Variants in RFX6 observed in about 807,000 individuals in gnomAD.
RFX6 encodes regulatory factor X6.
Under a neutral mutation model 110.8 loss-of-function variants are expected in RFX6, and 50 were observed. The ratio of observed to expected loss-of-function variants is 0.45; its 90% CI spans 0.36 to 0.57. RFX6 has a LOEUF of 0.57. Ranked by LOEUF, RFX6 falls within the 20% of genes least tolerant of loss-of-function variation. The pLI, the probability that RFX6 is intolerant of heterozygous loss-of-function variation, is 0.00. For synonymous variants in RFX6, 383 were observed against 411.2 expected (o/e 0.93, Z 0.83); for missense variants, 990 against 1,127.0 (o/e 0.88, Z 1.74).
intron 6 of RFX6, among the ~76,000 whole-genome samples, chr6:116,904,893 G>A (rs1432987949): frequency 1.3e-5 from 2 of 152,180 alleles, no homozygotes; most frequent in Non-Finnish European, 1.5e-5. Flanking sequence ...TGTATATACA[G>A]TACCACATTT....
chr6:116,884,341 T>C (rs1251863580), intron 4 of RFX6, among the ~76,000 whole-genome samples: 1 of 152,182 alleles, frequency 6.6e-6, no homozygotes, highest in African/African-American at 2.4e-5. Flanking sequence ...CTTTGTCTCA[T>C]TCACTTTTAT....
chr6:116,880,946 G>A (rs545111200), intron 3 of RFX6, among the ~76,000 whole-genome samples: 19 of 152,060 alleles, frequency 1.2e-4, no homozygotes, highest in Non-Finnish European at 2.8e-4. Context: ...AAAGTGTATA[G>A]TATGGCCTGT....
intron 2 of RFX6, among the ~76,000 whole-genome samples, chr6:116,879,994 G>C (rs1193462930): frequency 6.6e-6 from 1 of 151,968 alleles, no homozygotes; most frequent in African/African-American, 2.4e-5. Context: ...GTAGTAAAAA[G>C]TATAGGAATA....
intron 6 of RFX6, among the ~76,000 whole-genome samples, chr6:116,902,276 T>C (rs1582521022): frequency 6.6e-6 from 1 of 152,060 alleles, no homozygotes; most frequent in South Asian, 2.1e-4. Flanking sequence ...AAATGTCTCA[T>C]GTCTTAATCA....
chr6:116,929,110 T>A (rs930951313), intron 18 of RFX6, 139 bp downstream of exon 18: 10 of 699,308 alleles, frequency 1.4e-5, no homozygotes, highest in Non-Finnish European at 2.6e-5. Context: ...GATCTAAAGT[T>A]ATATTTTTTG....
Position 116,877,347 on chromosome 6 carries a change from C to T in RFX6, c.72C>T (p.Ile24=). The change falls in exon 1 of 19, where the codon ATC becomes ATT. Residue 24 remains isoleucine, a synonymous_variant. Coordinates refer to ENST00000332958, the MANE Select transcript of RFX6 (RefSeq NM_173560.4). ...AQPAPQLSPG[I]QEDCCVQLLG... is the part of the protein sequence containing the mutation. ...CTGCGCCCCAACTGTCCCCGGGGATCCAGGAAGACTGCTGTGTGCAGCTCC... is the reference window on the plus strand; with the variant it reads ...CTGCGCCCCAACTGTCCCCGGGGATTCAGGAAGACTGCTGTGTGCAGCTCC... 6.2e-7 allele frequency: 1 copy of T among 1,612,838 alleles called. No homozygotes were observed. The highest frequency in any genetic ancestry group is 1.3e-5 in the African/African-American group (1 of 75,022).
chr6:116,903,699 G>C lies in RFX6; in HGVS notation c.673-7236G>C, dbSNP rs144893637. ...CCCAGTTGTATCCTACATAAAAATA[G>C]GCTCCTTGTTTTCCCTGTGACTTTC... On this transcript the variant is annotated intron_variant, in intron 6 of 18. Transcript: ENST00000332958. 5.5e-3 allele frequency among the ~76,000 whole-genome samples: 832 copies of C among 152,058 alleles called. 15 individuals carry two copies. The highest frequency in any genetic ancestry group is 0.022 in the East Asian group (112 of 5,184).
intron 2 of RFX6, among the ~76,000 whole-genome samples, chr6:116,879,864 T>C (rs1319121270): frequency 6.6e-6 from 1 of 152,022 alleles, no homozygotes; most frequent in Admixed American, 6.6e-5. Flanking sequence ...TCAAAGGTTA[T>C]ATAGTTATTT....
intron 9 of RFX6, among the ~76,000 whole-genome samples, chr6:116,917,075 C>T (rs1775483704): frequency 6.6e-6 from 1 of 152,082 alleles, no homozygotes; most frequent in Admixed American, 6.6e-5. Flanking sequence ...AAATAAAATC[C>T]TTCTAAGTTA....
chr6:116,879,160 A>G (rs1181730975), intron 2 of RFX6, among the ~76,000 whole-genome samples: 4 of 151,998 alleles, frequency 2.6e-5, no homozygotes, highest in East Asian at 1.9e-4. Flanking sequence ...TGTTTCTTTT[A>G]TGAATAAATG....
At position 116,922,062 on chromosome 6, in the gene RFX6, C is replaced by A; in HGVS notation, c.1348C>A (p.Gln450Lys). The change falls in exon 13 of 19, where the codon CAA (glutamine) becomes AAA (lysine). Residue 450 changes from glutamine (Q) to lysine (K), a missense_variant. Physicochemically the swap from Gln to Lys is moderately conservative, Grantham distance 53 (BLOSUM62 1). Around this residue, in one of 5 missense-constraint regions of RFX6, gnomAD observed 45 missense variants for 29.3 expected, o/e 1.53. Coordinates refer to ENST00000332958, the MANE Select transcript of RFX6 (RefSeq NM_173560.4). The part of the protein sequence containing the change: ...YTEHDSITVF[Q>K]ELKDLLKKNA... ...GGTAGATGACTCTATCACTGTGTTC[C>A]AAGAACTGAAGGATCTCCTTAAGAA... The A allele has an allele frequency of 1.3e-6, 2 of 1,509,488 alleles. No homozygotes were observed. The highest frequency in any genetic ancestry group is 1.1e-5 in the South Asian group (1 of 88,382). 93.5% of individuals were successfully genotyped at this position (1,509,488 alleles called of 1,614,324 possible). A position where few individuals can be genotyped will look rare whatever the true frequency, so the allele number is the denominator to read the frequency against.
At chr6:116,878,541 G>C (rs1774518340) in intron 2 of RFX6, among the ~76,000 whole-genome samples, 2 of 151,856 alleles carry the variant, frequency 1.3e-5, no homozygotes, top group African/African-American at 2.4e-5. Context: ...GGATTTTGTG[G>C]AAAATCTTTT....
At chr6:116,921,174 G>A (rs1775586876) in intron 12 of RFX6, among the ~76,000 whole-genome samples, 1 of 152,070 alleles carries the variant, frequency 6.6e-6, no homozygotes, top group African/African-American at 2.4e-5. Flanking sequence ...GCTCTCTGGG[G>A]CCCAATCTCA....
intron 6 of RFX6, among the ~76,000 whole-genome samples, chr6:116,905,801 C>G (rs1775188883): frequency 6.6e-6 from 1 of 152,114 alleles, no homozygotes; most frequent in Non-Finnish European, 1.5e-5. Context: ...CCACCCACCT[C>G]AGCCTCCCAA....
intron 14 of RFX6, among the ~76,000 whole-genome samples, chr6:116,924,300 A>G (rs1294261741): frequency 6.6e-6 from 1 of 152,212 alleles, no homozygotes; most frequent in Non-Finnish European, 1.5e-5. Flanking sequence ...ACAGAAATAG[A>G]GCAGAGTAGA....
At chr6:116,880,502 G>A (rs1774565960) in intron 2 of RFX6, 42 bp from the exon 3 acceptor site, 1 of 1,582,124 alleles carries the variant, frequency 6.3e-7, no homozygotes, top group African/African-American at 1.3e-5. Context: ...TGAAGGAAAA[G>A]GAAATAAAAT....
At chr6:116,888,060 C>A (rs967222711) in intron 4 of RFX6, among the ~76,000 whole-genome samples, 1 of 152,140 alleles carries the variant, frequency 6.6e-6, no homozygotes, top group South Asian at 2.1e-4. Context: ...AAAACTGATA[C>A]GGCAGCTGCT....
At chr6:116,882,486 T>A (rs767568675) in intron 4 of RFX6, 58 bp downstream of exon 4, 297 of 1,223,024 alleles carry the variant, frequency 2.4e-4, no homozygotes, top group Non-Finnish European at 3.5e-4. Flanking sequence ...TTGACACAGA[T>A]GTAAAATAAG....
chr6:116,893,632 C>A, intron 4 of RFX6, among the ~76,000 whole-genome samples: 1 of 152,204 alleles, frequency 6.6e-6, no homozygotes, highest in Non-Finnish European at 1.5e-5. Context: ...TGACTAAATT[C>A]ATGTTGAATC....
Sources: gnomAD v4.1 joint callset for allele counts (sites outside exome capture counted in the v4.1 genomes callset) on GRCh38, gnomAD v4.1.1 for gene constraint, gnomAD v4.1.1 regional missense constraint, MANE v1.5 for transcripts, NCBI Gene and HGNC (gene_info 2026-07-23, HGNC 2026-07-21) for gene names.